Variants in CNTNAP5 observed in about 807,000 individuals in gnomAD.
CNTNAP5 encodes contactin-associated protein-like 5.
Under a neutral mutation model 150.2 loss-of-function variants are expected in CNTNAP5, and 72 were observed. That is an observed-to-expected ratio of 0.48 (90% CI 0.40 to 0.58). The LOEUF is 0.58. Among genes scored for constraint, CNTNAP5 ranks in the 20% least tolerant of loss-of-function variants. The pLI is 0.00. For missense variants in CNTNAP5, 1,636 were observed against 1,626.2 expected (o/e 1.01, Z -0.10); for synonymous variants, 672 against 619.8 (o/e 1.08, Z -1.25).
chr2:124,599,004 A>G (rs10186162), intron 11 of CNTNAP5, among the ~76,000 whole-genome samples: 61,908 of 147,742 alleles, frequency 0.42, 12,340 homozygotes, highest in East Asian at 0.74. Flanking sequence ...GCTTCGGCTC[A>G]CGCACGGTGC....
chr2:124,602,515 A>G (rs1697010035), intron 11 of CNTNAP5, among the ~76,000 whole-genome samples: 1 of 151,748 alleles, frequency 6.6e-6, no homozygotes, highest in Non-Finnish European at 1.5e-5. Context: ...TTAAACTGAG[A>G]CAGGGTCTTG....
chr2:124,910,679 T>C (rs1678636462), intron 22 of CNTNAP5, among the ~76,000 whole-genome samples: 2 of 152,138 alleles, frequency 1.3e-5, no homozygotes, highest in South Asian at 4.1e-4. Context: ...ATTGTTTCAA[T>C]CTAGTTTCCT....
In CNTNAP5 at chr2:124,268,478, C is replaced by T. The variant is rs865964073; in HGVS notation, c.381+26085C>T. Among the ~76,000 whole-genome samples, 4 of 152,182 alleles carry T rather than the reference C, an allele frequency of 2.6e-5. No homozygotes were observed. The South Asian group carries it at 8.3e-4, about 31-fold the overall frequency. ...CTACAGTGATGTAGTGCTCTTCTGA[C>T]CAAGATGGGTCCTGGGGCCAAATCG... On this transcript the variant is annotated intron_variant, in intron 3 of 23. Transcript: ENST00000682447.
At chr2:124,739,901 A>C (rs957955011) in intron 13 of CNTNAP5, among the ~76,000 whole-genome samples, 1 of 93,452 alleles carries the variant, frequency 1.1e-5, no homozygotes, top group Admixed American at 1.0e-4. Context: ...GACTTCCATT[A>C]CTCTTAGCTG....
intron 13 of CNTNAP5, among the ~76,000 whole-genome samples, chr2:124,731,809 T>A (rs905925141): frequency 5.3e-5 from 8 of 151,682 alleles, no homozygotes; most frequent in Non-Finnish European, 1.2e-4. Flanking sequence ...AGTGTATGTG[T>A]GAGTGTGCAT....
At chr2:124,391,779 C>A (rs1691115805) in intron 3 of CNTNAP5, among the ~76,000 whole-genome samples, 1 of 150,734 alleles carries the variant, frequency 6.6e-6, no homozygotes, top group African/African-American at 2.5e-5. Flanking sequence ...CACGGTGAGA[C>A]CCCGTCTCTA....
intron 19 of CNTNAP5, among the ~76,000 whole-genome samples, chr2:124,828,861 A>G (rs1012122158): frequency 6.6e-6 from 1 of 151,228 alleles, no homozygotes; most frequent in African/African-American, 2.4e-5. Flanking sequence ...GTGGTCCTTC[A>G]GAGAAGCTGT....
intron 13 of CNTNAP5, among the ~76,000 whole-genome samples, chr2:124,655,886 T>G (rs921743823): frequency 7.1e-6 from 1 of 140,498 alleles, no homozygotes; most frequent in Non-Finnish European, 1.5e-5. Flanking sequence ...CAACAACACG[T>G]GAGACCTCAA....
rs573891359 is a variant in CNTNAP5, at chr2:124,391,197, C to G, written c.382-26246C>G. Among the ~76,000 whole-genome samples, 22 of 152,106 alleles carry G rather than the reference C, an allele frequency of 1.4e-4. No individual in the cohort carries two copies. In the South Asian group the frequency reaches 2.1e-3, roughly 14 times the overall value. On this transcript the variant is annotated intron_variant, in intron 3 of 23. Transcript: ENST00000682447. ...ACTAAAATAATATATTTCTCGTGTCCATTTTAAAAATACCTGTTACATAAC... is the reference window on the plus strand; with the variant it reads ...ACTAAAATAATATATTTCTCGTGTCGATTTTAAAAATACCTGTTACATAAC...
chr2:124,266,125 A>G (rs891375606), intron 3 of CNTNAP5, among the ~76,000 whole-genome samples: 1 of 152,088 alleles, frequency 6.6e-6, no homozygotes, highest in African/African-American at 2.4e-5. Context: ...GGCCCATAAG[A>G]CTGATGATAT....
intron 21 of CNTNAP5, among the ~76,000 whole-genome samples, chr2:124,874,614 G>C (rs62173286): frequency 1.3e-5 from 2 of 151,846 alleles, no homozygotes; most frequent in Non-Finnish European, 2.9e-5. Context: ...ACTATTGTTT[G>C]GTGAAATTAA....
chr2:124,228,751 T>C (rs1417799871), intron 2 of CNTNAP5, among the ~76,000 whole-genome samples: 1 of 152,208 alleles, frequency 6.6e-6, no homozygotes, highest in African/African-American at 2.4e-5. Flanking sequence ...CAGTAATTAG[T>C]GAATTTCTTC....
At chr2:124,187,516 G>A (rs1371147) in intron 1 of CNTNAP5, among the ~76,000 whole-genome samples, 240 of 152,328 alleles carry the variant, frequency 1.6e-3, no homozygotes, top group African/African-American at 5.5e-3. Context: ...AGAAGCAGGA[G>A]AGGACCTTGT....
At chr2:124,116,316 C>A (rs1683428044) in intron 1 of CNTNAP5, among the ~76,000 whole-genome samples, 1 of 152,158 alleles carries the variant, frequency 6.6e-6, no homozygotes, top group Non-Finnish European at 1.5e-5. Context: ...CCTGCTATCA[C>A]AGTCCCCATA....
chr2:124,543,523 A>G (rs999139225), intron 10 of CNTNAP5, among the ~76,000 whole-genome samples: 1 of 152,116 alleles, frequency 6.6e-6, no homozygotes. Flanking sequence ...AATGGAACAA[A>G]AAATTTTCGT....
intron 13 of CNTNAP5, chr2:124,680,827 G>A (rs1310162480): frequency 2.6e-5 from 4 of 151,788 alleles, no homozygotes; most frequent in South Asian, 2.1e-4. Flanking sequence ...CATAATTTGG[G>A]TATGAACCTT....
At chr2:124,614,992 AAAAAAC>A (rs1338178892) in intron 12 of CNTNAP5, among the ~76,000 whole-genome samples, 11 of 132,998 alleles carry the variant, frequency 8.3e-5, no homozygotes, top group East Asian at 5.6e-4. Flanking sequence ...TCAAAAAAAA[AAAAAAC>A]CAAAGTCTAT....
chr2:124,423,054 C>G (rs909108853), intron 4 of CNTNAP5, among the ~76,000 whole-genome samples: 3 of 152,136 alleles, frequency 2.0e-5, no homozygotes, highest in Non-Finnish European at 4.4e-5. Flanking sequence ...CTTGAGAAGT[C>G]AGTATAATGT....
At chr2:124,744,443 C>T (rs919744242) in intron 13 of CNTNAP5, among the ~76,000 whole-genome samples, 1 of 152,114 alleles carries the variant, frequency 6.6e-6, no homozygotes, top group East Asian at 1.9e-4. Flanking sequence ...TACAACATAC[C>T]TCTTATCCCT....
Sources: allele counts gnomAD v4.1 joint callset (sites outside exome capture counted in the v4.1 genomes callset), GRCh38; gene constraint gnomAD v4.1.1; transcripts MANE v1.5; gene names NCBI Gene and HGNC (gene_info 2026-07-23, HGNC 2026-07-21).